The following CADM2 variants were observed in gnomAD, a reference collection of about 807,000 sequenced individuals.
CADM2 encodes the protein cell adhesion molecule 2.
Under a neutral mutation model 49.8 loss-of-function variants are expected in CADM2, and 12 were observed. The observed-to-expected ratio is 0.24, with a 90% CI of 0.15 to 0.39. CADM2 has a LOEUF of 0.39. Among genes scored for constraint, CADM2 ranks in the 10% least tolerant of loss-of-function variants. The pLI is 1.00. For missense variants in CADM2, 378 were observed against 492.3 expected, an observed-to-expected ratio of 0.77 and a Z score of 2.20; for synonymous variants, 214 against 175.4, an observed-to-expected ratio of 1.22 and a Z score of -1.74.
At position 85,003,088 on chromosome 3, in the gene CADM2, A is replaced by G. The variant is rs78651927; in HGVS notation, c.61+43420A>G. Among the ~76,000 whole-genome samples, 969 of 152,184 alleles carry G rather than the reference A, an allele frequency of 6.4e-3. 16 individuals are homozygous for G. Among genetic ancestry groups the G allele is most frequent in the African/African-American group, 0.022 (928 of 41,538 alleles). On this transcript the variant is annotated intron_variant, in intron 1 of 9. Transcript: ENST00000383699. ...TGGGATTACAGGCATGAGCTACCTC[A>G]CCTGGCCGTATCCTTTGAGAATCTC... is the stretch of plus-strand genomic sequence containing the variant.
At chr3:85,809,752 C>G in intron 3 of CADM2, among the ~76,000 whole-genome samples, 1 of 82,310 alleles carries the variant, frequency 1.2e-5, no homozygotes, top group Admixed American at 1.1e-4. Flanking sequence ...TCCTCTCTCC[C>G]TCCCTCCCTC....
chr3:86,041,609 T>G (rs191999899), intron 8 of CADM2, among the ~76,000 whole-genome samples: 10 of 152,178 alleles, frequency 6.6e-5, no homozygotes, highest in Admixed American at 6.5e-4. Context: ...ACAAAGAGAC[T>G]TAGACTCCCA....
chr3:85,763,789 A>G (rs918781590), intron 2 of CADM2, among the ~76,000 whole-genome samples: 4 of 152,254 alleles, frequency 2.6e-5, no homozygotes, highest in African/African-American at 2.4e-5. Flanking sequence ...GCTGGAGAAT[A>G]TCAGCTCTCA....
At chr3:85,476,511 C>T (rs1431428058) in intron 1 of CADM2, among the ~76,000 whole-genome samples, 1 of 151,774 alleles carries the variant, frequency 6.6e-6, no homozygotes, top group Non-Finnish European at 1.5e-5. Context: ...CATTCAGCCT[C>T]TATTTTGTTT....
chr3:85,643,865 C>T (rs1214293235), intron 1 of CADM2, among the ~76,000 whole-genome samples: 1 of 151,834 alleles, frequency 6.6e-6, no homozygotes, highest in East Asian at 1.9e-4. Context: ...ATGTTAGAGC[C>T]CTACCCTCAT....
At chr3:85,702,004 ATAGATAGATAGATAGT>A (rs1453591226) in intron 1 of CADM2, among the ~76,000 whole-genome samples, 3 of 150,702 alleles carry the variant, frequency 2.0e-5, no homozygotes, top group Non-Finnish European at 4.4e-5. Flanking sequence ...AGATAGATAG[ATAGATAGATAGATAGT>A]TGATAGATAG....
intron 1 of CADM2, among the ~76,000 whole-genome samples, chr3:85,426,790 C>A (rs1205591929): frequency 6.6e-6 from 1 of 151,906 alleles, no homozygotes; most frequent in Non-Finnish European, 1.5e-5. Flanking sequence ...GGAAAAGATC[C>A]AGAACTACCT....
At chr3:85,901,144 A>G (rs1716065484) in intron 5 of CADM2, among the ~76,000 whole-genome samples, 1 of 152,208 alleles carries the variant, frequency 6.6e-6, no homozygotes, top group African/African-American at 2.4e-5. Flanking sequence ...CAGTGCACCA[A>G]GATGGTGCCA....
chr3:85,171,615 G>A (rs1015599832), intron 1 of CADM2, among the ~76,000 whole-genome samples: 2 of 152,154 alleles, frequency 1.3e-5, no homozygotes, highest in Non-Finnish European at 1.5e-5. Context: ...TGTAGAGATC[G>A]TGCTCAGGTT....
chr3:85,450,156 G>A (rs2037687698), intron 1 of CADM2, among the ~76,000 whole-genome samples: 1 of 152,116 alleles, frequency 6.6e-6, no homozygotes, highest in South Asian at 2.1e-4. Context: ...AACTAAAGAC[G>A]AACCCTTGCA....
intron 1 of CADM2, among the ~76,000 whole-genome samples, chr3:85,388,123 G>A (rs910122161): frequency 6.6e-6 from 1 of 152,038 alleles, no homozygotes; most frequent in Non-Finnish European, 1.5e-5. Flanking sequence ...CGACCTCCTG[G>A]GCTCGAGCGA....
At chr3:86,011,393 T>C (rs867410527) in intron 8 of CADM2, among the ~76,000 whole-genome samples, 6 of 152,148 alleles carry the variant, frequency 3.9e-5, no homozygotes, top group African/African-American at 1.4e-4. Context: ...ATTATGTTCA[T>C]CTTAATAGAT....
chr3:85,064,199 G>A (rs2036439691), intron 1 of CADM2, among the ~76,000 whole-genome samples: 1 of 152,034 alleles, frequency 6.6e-6, no homozygotes, highest in African/African-American at 2.4e-5. Flanking sequence ...GTGAGATGGA[G>A]AGGACTAATA....
intron 1 of CADM2, among the ~76,000 whole-genome samples, chr3:85,181,220 C>G (rs2040926292): frequency 6.6e-6 from 1 of 152,090 alleles, no homozygotes; most frequent in Admixed American, 6.6e-5. Context: ...ACCTATTTGA[C>G]AGTTGTGATG....
chr3:85,995,624 A>T (rs945940924), intron 8 of CADM2, among the ~76,000 whole-genome samples: 2 of 152,190 alleles, frequency 1.3e-5, no homozygotes, highest in African/African-American at 4.8e-5. Context: ...ACCATACACT[A>T]TTTATTTCTA....
intron 1 of CADM2, among the ~76,000 whole-genome samples, chr3:85,543,587 T>C (rs1576764616): frequency 6.6e-6 from 1 of 152,146 alleles, no homozygotes; most frequent in African/African-American, 2.4e-5. Flanking sequence ...CCTGGCCAAG[T>C]TCTAGAACTC....
chr3:86,049,360 T>C (rs1172105388), intron 8 of CADM2, among the ~76,000 whole-genome samples: 2 of 151,696 alleles, frequency 1.3e-5, no homozygotes, highest in South Asian at 2.1e-4. Flanking sequence ...CTGCAAGCTC[T>C]GCCTCCCAGG....
intron 2 of CADM2, among the ~76,000 whole-genome samples, chr3:85,745,019 G>A (rs2068557167): frequency 6.6e-6 from 1 of 152,146 alleles, no homozygotes; most frequent in Non-Finnish European, 1.5e-5. Context: ...ATGTGCTAGT[G>A]TGGCGTTGGT....
intron 4 of CADM2, among the ~76,000 whole-genome samples, chr3:85,885,469 G>C (rs1713472478): frequency 1.3e-5 from 2 of 151,828 alleles, no homozygotes; most frequent in South Asian, 4.2e-4. Flanking sequence ...TCAGGAGTTC[G>C]AGACCAGCCT....
Sources: allele counts gnomAD v4.1 joint callset (sites outside exome capture counted in the v4.1 genomes callset), GRCh38; gene constraint gnomAD v4.1.1; transcripts MANE v1.5; gene names NCBI Gene and HGNC (gene_info 2026-07-23, HGNC 2026-07-21).